Variants in STMP1 observed in about 807,000 individuals in gnomAD.
STMP1 encodes short transmembrane mitochondrial protein 1.
STMP1 carries 7 observed loss-of-function variants against 7.0 expected under a neutral mutation model. The observed-to-expected ratio is 1.01, with a 90% CI of 0.57 to 1.89. STMP1 has a LOEUF of 1.89. STMP1 is among the 40% of genes most tolerant of loss of function. The pLI is 0.00. For synonymous variants in STMP1, 19 were observed against 18.4 expected, an observed-to-expected ratio of 1.03 and a Z score of -0.08; for missense variants, 45 against 53.0, an observed-to-expected ratio of 0.85 and a Z score of 0.47.
At chr7:135,667,250 G>A (rs1040428839) in intron 1 of STMP1, among the ~76,000 whole-genome samples, 12 of 151,872 alleles carry the variant, frequency 7.9e-5, no homozygotes, top group Non-Finnish European at 1.3e-4. Flanking sequence ...TCGCTTTGTC[G>A]CCCAGGCTGG....
At position 135,672,771 on chromosome 7, in the gene STMP1, A is replaced by G. The variant is rs1452910576; in HGVS notation, c.34A>G (p.Asn12Asp). The change falls in exon 2 of 3, where the codon AAC becomes GAC. Residue 12 changes from asparagine to aspartate, a missense_variant. By Grantham distance (23) the Asn-to-Asp change is conservative (BLOSUM62 1). Coordinates refer to ENST00000507606, the MANE Select transcript of STMP1 (RefSeq NM_001130929.2). ...LQFLLGFTLG[N>D]VVGMYLAQNY... ...TTTTCAGCTTGGATTTACACTGGGC[A>G]ACGTGGTTGGAATGTATCTGGCTCA... 6.4e-7 allele frequency: 1 copy of G among 1,551,516 alleles called. No individual in the cohort carries two copies. Among genetic ancestry groups the G allele is most frequent in the Non-Finnish European group, 8.7e-7 (1 of 1,146,938 alleles).
chr7:135,669,088 T>C (rs1795331752), intron 1 of STMP1, among the ~76,000 whole-genome samples: 1 of 152,186 alleles, frequency 6.6e-6, no homozygotes, highest in South Asian at 2.1e-4. Context: ...AACTCCTCTT[T>C]ATAAAACCAT....
At chr7:135,672,625 G>T in intron 1 of STMP1, 128 bp from the exon 2 acceptor site, 1 of 691,936 alleles carries the variant, frequency 1.4e-6, no homozygotes, top group Non-Finnish European at 2.6e-6. Flanking sequence ...CACAGCCCTA[G>T]ACTGGACATC....
rs368317197 is a variant in STMP1, at chr7:135,663,526, G to A, written c.15+932G>A. On this transcript the variant is annotated intron_variant, in intron 1 of 2. Transcript: ENST00000507606. Reference sequence around the variant, plus strand: ...TGCTCAGCTAATTTTTGTATTTTTAGTAGAGACGGGTTTCACCAAGTTGGC... The same window carrying A: ...TGCTCAGCTAATTTTTGTATTTTTAATAGAGACGGGTTTCACCAAGTTGGC... Among the ~76,000 whole-genome samples the A allele has an allele frequency of 5.7e-3, 874 of 152,032 alleles. 3 individuals carry two copies. The highest frequency in any genetic ancestry group is 9.2e-3 in the Non-Finnish European group (627 of 67,980).
rs1230950260 is a variant in STMP1 at position 135,662,533 on chromosome 7, G to A, written c.-47G>A. 1.0e-5 allele frequency: 16 copies of A among 1,539,254 alleles called. No individual in the cohort carries two copies. The South Asian group carries it at 1.3e-4, about 13-fold the overall frequency. On this transcript the variant is annotated 5_prime_UTR_variant, in exon 1 of 3. Coordinates refer to ENST00000507606, the MANE Select transcript of STMP1 (RefSeq NM_001130929.2). ...GGAGGTAGGCTCGGACCGGCCCGCG[G>A]AGCTGCTGCAGTCCTTCGCGCCCTC...
intron 1 of STMP1, among the ~76,000 whole-genome samples, chr7:135,671,534 A>G (rs971280816): frequency 6.6e-6 from 1 of 152,238 alleles, no homozygotes; most frequent in Non-Finnish European, 1.5e-5. Flanking sequence ...TACCAGAGGA[A>G]AACAGGGAAT....
At chr7:135,664,321 C>G (rs569248916) in intron 1 of STMP1, among the ~76,000 whole-genome samples, 1 of 147,350 alleles carries the variant, frequency 6.8e-6, no homozygotes, top group East Asian at 2.0e-4. Context: ...TTTGGTTTTG[C>G]AATAAACTTT....
intron 1 of STMP1, 65 bp from the exon 2 acceptor site, chr7:135,672,688 A>G: frequency 8.6e-7 from 1 of 1,166,438 alleles, no homozygotes; most frequent in Non-Finnish European, 1.3e-6. Context: ...TATGTATTTT[A>G]GTTTGGAATC....
At chr7:135,666,319 T>C (rs1795291362) in intron 1 of STMP1, among the ~76,000 whole-genome samples, 1 of 151,938 alleles carries the variant, frequency 6.6e-6, no homozygotes, top group African/African-American at 2.4e-5. Context: ...TGATGACTTA[T>C]GCTTCTGAAA....
chr7:135,665,536 C>G (rs781499016), intron 1 of STMP1: 7 of 151,932 alleles, frequency 4.6e-5, no homozygotes, highest in Non-Finnish European at 7.3e-5. Flanking sequence ...AATCCTCCCA[C>G]CTCAGTCTCT....
At chr7:135,667,463 T>C (rs545045620) in intron 1 of STMP1, among the ~76,000 whole-genome samples, 1 of 152,334 alleles carries the variant, frequency 6.6e-6, no homozygotes, top group East Asian at 1.9e-4. Context: ...TCCCCCAACC[T>C]TGGCCTCCCA....
rs756074386 is a variant in STMP1, at chr7:135,662,562, G to A, written c.-18G>A. On this transcript the variant is annotated 5_prime_UTR_variant, in exon 1 of 3. Transcript: ENST00000507606. ...TGCTGCAGTCCTTCGCGCCCTCCTC[G>A]CCCTCCCCACCGACATCATGCTCCA... 10 of 1,547,068 alleles carry A rather than the reference G, an allele frequency of 6.5e-6. No individual in the cohort carries two copies. Among genetic ancestry groups the A allele is most frequent in the Non-Finnish European group, 7.9e-6 (9 of 1,145,308 alleles).
intron 2 of STMP1, chr7:135,673,160 C>T: frequency 3.6e-6 from 1 of 275,668 alleles, no homozygotes; most frequent in Non-Finnish European, 6.9e-6. Context: ...TTTTCAGCCC[C>T]ACTATCCAGT....
intron 1 of STMP1, among the ~76,000 whole-genome samples, chr7:135,665,247 A>C (rs1223095843): frequency 3.3e-5 from 5 of 152,158 alleles, no homozygotes; most frequent in African/African-American, 1.2e-4. Context: ...GTCATTACAC[A>C]TTTTGGAACC....
intron 2 of STMP1, 165 bp downstream of exon 2, chr7:135,672,971 C>A (rs545550336): frequency 5.0e-5 from 32 of 634,226 alleles, no homozygotes; most frequent in Non-Finnish European, 8.5e-5. Context: ...AAAAGTAATC[C>A]AACTCATGAA....
chr7:135,664,302 A>G (rs955974807), intron 1 of STMP1, among the ~76,000 whole-genome samples: 2 of 151,576 alleles, frequency 1.3e-5, no homozygotes, highest in African/African-American at 4.8e-5. Flanking sequence ...GTTTTGCAGA[A>G]TGAGTCTATT....
At chr7:135,671,647 A>G (rs986868100) in intron 1 of STMP1, among the ~76,000 whole-genome samples, 7 of 152,168 alleles carry the variant, frequency 4.6e-5, no homozygotes, top group African/African-American at 1.7e-4. Flanking sequence ...CAAATGAGAT[A>G]AATATTTAAA....
intron 1 of STMP1, among the ~76,000 whole-genome samples, chr7:135,663,723 C>T (rs964462831): frequency 9.2e-5 from 14 of 152,074 alleles, no homozygotes; most frequent in East Asian, 7.7e-4. Context: ...AGTGCGATCT[C>T]GGCTCACTGC....
intron 1 of STMP1, among the ~76,000 whole-genome samples, chr7:135,669,566 A>C (rs1401275800): frequency 6.6e-6 from 1 of 152,206 alleles, no homozygotes; most frequent in East Asian, 1.9e-4. Flanking sequence ...TCCCTTAATC[A>C]AAATCTTTAG....
Sources: gnomAD v4.1 joint callset for allele counts (sites outside exome capture counted in the v4.1 genomes callset) on GRCh38, gnomAD v4.1.1 for gene constraint, MANE v1.5 for transcripts, NCBI Gene and HGNC (gene_info 2026-07-23, HGNC 2026-07-21) for gene names.